Variants in RIC1 observed in about 807,000 individuals in gnomAD.
The protein encoded by RIC1 is guanine nucleotide exchange factor subunit RIC1.
In RIC1, 88 loss-of-function variants were observed where a neutral mutation model predicts 169.0. That is an observed-to-expected ratio of 0.52 (90% CI 0.44 to 0.62). The LOEUF is 0.62. RIC1 is among the 20% of genes least tolerant of loss of function. The pLI is 0.00. For missense variants in RIC1, 1,877 were observed against 1,725.5 expected (o/e 1.09, Z -1.56); for synonymous variants, 790 against 601.5 (o/e 1.31, Z -4.59).
chr9:5,665,589 ATC>A (rs1311131121), intron 2 of RIC1, among the ~76,000 whole-genome samples: 3 of 151,944 alleles, frequency 2.0e-5, no homozygotes, highest in Non-Finnish European at 2.9e-5. Context: ...TCTGCCTTTG[ATC>A]TTTGAGGTTG....
At chr9:5,657,024 G>A (rs1367633146) in intron 2 of RIC1, among the ~76,000 whole-genome samples, 1 of 148,918 alleles carries the variant, frequency 6.7e-6, no homozygotes, top group Admixed American at 6.7e-5. Context: ...CTTCTGTTTT[G>A]ACTCTGCTGC....
intron 2 of RIC1, among the ~76,000 whole-genome samples, chr9:5,681,034 G>C (rs1373124897): frequency 1.2e-4 from 18 of 151,078 alleles, no homozygotes; most frequent in Non-Finnish European, 4.4e-5. Flanking sequence ...CACCTTGTTA[G>C]CCAGGATGGT....
At chr9:5,631,620 G>A (rs1236959953) in intron 1 of RIC1, among the ~76,000 whole-genome samples, 4 of 149,658 alleles carry the variant, frequency 2.7e-5, no homozygotes, top group Non-Finnish European at 5.9e-5. Context: ...CCAAGAGGCA[G>A]AGGTTGCAGT....
Position 5,765,502 on chromosome 9 carries a change from A to G in RIC1, c.2930A>G (p.His977Arg). The change falls in exon 20 of 26, where the codon CAC becomes CGC. Residue 977 changes from histidine to arginine, a missense_variant. Physicochemically the swap from His to Arg is conservative, Grantham distance 29 (BLOSUM62 0). Around this residue, in one of 3 missense-constraint regions of RIC1, gnomAD observed 681 missense variants for 582.0 expected, o/e 1.17. Transcript: ENST00000414202. ...LEQGKWDLCR[H>R]MIRFLKAIGS... ...CAAGGCAAGTGGGACCTTTGTCGAC[A>G]CATGATTCGATTTCTTAAAGCCATT... 1 of 1,614,202 alleles carries G rather than the reference A, an allele frequency of 6.2e-7. No individual in the cohort carries two copies. The highest frequency in any genetic ancestry group is 8.5e-7 in the Non-Finnish European group (1 of 1,180,002).
At chr9:5,681,800 G>A (rs1820858744) in intron 2 of RIC1, among the ~76,000 whole-genome samples, 1 of 152,176 alleles carries the variant, frequency 6.6e-6, no homozygotes, top group Non-Finnish European at 1.5e-5. Context: ...AGGTCAGCAA[G>A]GACTTGCTTT....
intron 7 of RIC1, among the ~76,000 whole-genome samples, chr9:5,736,637 G>C (rs1438299086): frequency 6.6e-6 from 1 of 152,038 alleles, no homozygotes; most frequent in East Asian, 1.9e-4. Flanking sequence ...GGTCTCTCTT[G>C]AATATTAAAC....
At position 5,767,590 on chromosome 9, in the gene RIC1, G is replaced by T. The variant is rs550510318; in HGVS notation, c.3138-1380G>T. Among the ~76,000 whole-genome samples, 15 of 151,816 alleles carry T rather than the reference G, an allele frequency of 9.9e-5. No homozygotes were observed. The South Asian group carries it at 1.0e-3, about 11-fold the overall frequency. On this transcript the variant is annotated intron_variant, in intron 21 of 25. Transcript: ENST00000414202. ...GTTTGTTATTGTCATGTTTTACTGGGTTTTTTTGTTTTTTGAGATGGAGTT... is the reference window on the plus strand; with the variant it reads ...GTTTGTTATTGTCATGTTTTACTGGTTTTTTTTGTTTTTTGAGATGGAGTT...
chr9:5,740,450 T>C (rs1311879086), intron 8 of RIC1, among the ~76,000 whole-genome samples: 2 of 151,976 alleles, frequency 1.3e-5, no homozygotes. Flanking sequence ...GGGACAGAAC[T>C]AATAGAATAG....
chr9:5,687,570 A>AT (rs1821325665), intron 2 of RIC1, among the ~76,000 whole-genome samples: 1 of 151,860 alleles, frequency 6.6e-6, no homozygotes, highest in Non-Finnish European at 1.5e-5. Flanking sequence ...TTCTCCTTTG[A>AT]TTCATGGGTT....
intron 1 of RIC1, among the ~76,000 whole-genome samples, chr9:5,652,022 G>A (rs1236118708): frequency 6.6e-6 from 1 of 152,128 alleles, no homozygotes; most frequent in Non-Finnish European, 1.5e-5. Flanking sequence ...AAATCAGTTG[G>A]CTGTAAAAGC....
Position 5,681,113 on chromosome 9 carries a change from A to AC in RIC1, c.253-8844dup, listed in dbSNP as rs1261580843. ...AGTGCTGGGATTACAGGCGTGAGCC[A>AC]CCGCGCCCGGCCGATTTTTTTTAAG... is the stretch of plus-strand genomic sequence containing the variant. On this transcript the variant is annotated intron_variant, in intron 2 of 25. Coordinates refer to ENST00000414202, the MANE Select transcript of RIC1 (RefSeq NM_020829.4). Among the ~76,000 whole-genome samples the AC allele has an allele frequency of 4.6e-5, 7 of 152,050 alleles. No individual in the cohort carries two copies. The East Asian group carries it at 1.4e-3, about 29-fold the overall frequency.
chr9:5,760,940 C>T (rs1168695972), intron 17 of RIC1, among the ~76,000 whole-genome samples: 1 of 152,042 alleles, frequency 6.6e-6, no homozygotes, highest in East Asian at 1.9e-4. Context: ...CTCACTCTTT[C>T]CTCCCTGAAA....
rs141009627 is a variant in RIC1, at chr9:5,742,943, G to A, written c.976G>A (p.Glu326Lys). Residue 326 changes from glutamate to lysine, a missense_variant, in exon 9 of 26, where the codon GAA becomes AAA. Around this residue, in one of 3 missense-constraint regions of RIC1, gnomAD observed 1,104 missense variants for 992.0 expected, o/e 1.11. Transcript: ENST00000414202. ...PDNSVVIVTW[E>K]YGGLSLWSVF... Reference sequence around the variant, plus strand: ...CAATAGTGTTGTAATAGTGACCTGGGAATACGGAGGCCTTTCTTTATGGAG... The same window carrying A: ...CAATAGTGTTGTAATAGTGACCTGGAAATACGGAGGCCTTTCTTTATGGAG... The A allele has an allele frequency of 2.2e-5, 36 of 1,613,380 alleles. No homozygotes were observed. Among genetic ancestry groups the A allele is most frequent in the Non-Finnish European group, 2.6e-5 (31 of 1,179,658 alleles).
chr9:5,682,892 T>C (rs1300598214), intron 2 of RIC1, among the ~76,000 whole-genome samples: 1 of 152,218 alleles, frequency 6.6e-6, no homozygotes, highest in African/African-American at 2.4e-5. Flanking sequence ...TACACTTCTC[T>C]TCTCGCTTCA....
chr9:5,715,854 C>T (rs1485645245), intron 4 of RIC1, among the ~76,000 whole-genome samples: 1 of 145,490 alleles, frequency 6.9e-6, no homozygotes, highest in Non-Finnish European at 1.5e-5. Context: ...GACAGGGTCT[C>T]ACCTTGTCAC....
At chr9:5,684,245 A>G (rs926861810) in intron 2 of RIC1, among the ~76,000 whole-genome samples, 11 of 106,004 alleles carry the variant, frequency 1.0e-4, no homozygotes, top group Non-Finnish European at 5.2e-5. Flanking sequence ...TGTAGACTGG[A>G]GCTGTTCCTA....
chr9:5,774,065 G>T lies in RIC1; in HGVS notation c.4091G>T (p.Gly1364Val). 4 of 1,614,058 alleles carry T rather than the reference G, an allele frequency of 2.5e-6. No homozygotes were observed. The highest frequency in any genetic ancestry group is 3.4e-6 in the Non-Finnish European group (4 of 1,179,986). Residue 1364 changes from glycine to valine, a missense_variant, in exon 26 of 26, where the codon GGT (glycine) becomes GTT (valine). Around this residue, in one of 3 missense-constraint regions of RIC1, gnomAD observed 681 missense variants for 582.0 expected, o/e 1.17. Coordinates refer to ENST00000414202, the MANE Select transcript of RIC1 (RefSeq NM_020829.4). Reference protein sequence around the residue: ...QPDAFQPITMGKTPEQTSPRA... With the variant: ...QPDAFQPITMVKTPEQTSPRA... ...GATGCCTTCCAACCAATAACTATGG[G>T]TAAGACTCCAGAACAGACTAGCCCC...
intron 3 of RIC1, among the ~76,000 whole-genome samples, chr9:5,712,642 A>C (rs1167959871): frequency 6.6e-6 from 1 of 152,202 alleles, no homozygotes; most frequent in Non-Finnish European, 1.5e-5. Flanking sequence ...TTGAATTTTA[A>C]CTTCTGTATA....
At chr9:5,656,155 C>G (rs540713468) in intron 1 of RIC1, among the ~76,000 whole-genome samples, 2 of 152,196 alleles carry the variant, frequency 1.3e-5, no homozygotes, top group Non-Finnish European at 2.9e-5. Flanking sequence ...CAGGCATGAG[C>G]CACCGCGCCT....
Sources: gnomAD v4.1 joint callset for allele counts (sites outside exome capture counted in the v4.1 genomes callset) on GRCh38, gnomAD v4.1.1 for gene constraint, gnomAD v4.1.1 regional missense constraint, MANE v1.5 for transcripts, NCBI Gene and HGNC (gene_info 2026-07-23, HGNC 2026-07-21) for gene names.